The following RBMS3 variants were observed in gnomAD, a reference collection of about 807,000 sequenced individuals.
The protein encoded by RBMS3 is RNA-binding motif, single-stranded-interacting protein 3.
In RBMS3, 27 loss-of-function variants were observed where a neutral mutation model predicts 66.8. The observed-to-expected ratio is 0.40, with a 90% confidence interval of 0.30 to 0.56. The LOEUF is 0.56. RBMS3 is among the 20% of genes least tolerant of loss of function. RBMS3 has a pLI of 0.40. For missense variants in RBMS3, 513 were observed against 549.5 expected, an observed-to-expected ratio of 0.93 and a Z score of 0.66; for synonymous variants, 188 against 183.0, an observed-to-expected ratio of 1.03 and a Z score of -0.22.
At chr3:29,999,945 C>T (rs937976516) in intron 14 of RBMS3, among the ~76,000 whole-genome samples, 1 of 151,182 alleles carries the variant, frequency 6.6e-6, no homozygotes, top group Non-Finnish European at 1.5e-5. Flanking sequence ...GACCTAAAAC[C>T]ATAAAAACCC....
intron 3 of RBMS3, among the ~76,000 whole-genome samples, chr3:29,570,122 A>G (rs1437687660): frequency 6.6e-6 from 1 of 152,148 alleles, no homozygotes; most frequent in East Asian, 1.9e-4. Flanking sequence ...CTGAATTACT[A>G]TAATAAAATT....
rs568261684 is a variant in RBMS3 at position 29,994,611 on chromosome 3, G to A, written c.1307+3402G>A. Among the ~76,000 whole-genome samples the A allele has an allele frequency of 4.0e-3, 613 of 152,344 alleles. 2 individuals are homozygous for A. The highest frequency in any genetic ancestry group is 7.0e-3 in the Non-Finnish European group (473 of 68,036). ...AATGGGCAGACTGCCTCCTCAAGTG[G>A]GTCCCTGACCCCCGAGCAGCCTAAC... is the stretch of plus-strand genomic sequence containing the variant. On this transcript the variant is annotated intron_variant, in intron 14 of 14. Coordinates refer to ENST00000383767, the MANE Select transcript of RBMS3 (RefSeq NM_001003793.3).
At chr3:29,373,003 A>G (rs2038287107) in intron 1 of RBMS3, among the ~76,000 whole-genome samples, 1 of 152,180 alleles carries the variant, frequency 6.6e-6, no homozygotes, top group East Asian at 1.9e-4. Flanking sequence ...CTAAATATAA[A>G]TTTTTAAAAC....
intron 5 of RBMS3, among the ~76,000 whole-genome samples, chr3:29,752,870 G>A (rs970922054): frequency 1.3e-5 from 2 of 152,130 alleles, no homozygotes; most frequent in African/African-American, 4.8e-5. Flanking sequence ...CATAGGTAAA[G>A]GCCCAGTCAA....
chr3:29,584,323 A>G (rs946018528), intron 3 of RBMS3, among the ~76,000 whole-genome samples: 1 of 151,970 alleles, frequency 6.6e-6, no homozygotes, highest in Non-Finnish European at 1.5e-5. Flanking sequence ...CTTCTTATGT[A>G]ATGCCTAAAT....
chr3:29,399,215 G>A (rs1177901052), intron 1 of RBMS3, among the ~76,000 whole-genome samples: 2 of 145,738 alleles, frequency 1.4e-5, no homozygotes, highest in African/African-American at 2.6e-5. Flanking sequence ...ACATGTGTGT[G>A]TGTGTGTATA....
Position 29,710,910 on chromosome 3 carries a change from C to G in RBMS3, c.400-28810C>G, listed in dbSNP as rs562991024. Among the ~76,000 whole-genome samples the G allele has an allele frequency of 2.6e-5, 4 of 152,246 alleles. No homozygotes were observed. In the East Asian group the frequency reaches 7.7e-4, roughly 29 times the overall value. ...AATTGCTTATACAGCCATTACTATACATGCCAAGAGACATTAGTTCATCAT... is the reference window on the plus strand; with the variant it reads ...AATTGCTTATACAGCCATTACTATAGATGCCAAGAGACATTAGTTCATCAT... On this transcript the variant is annotated intron_variant, in intron 4 of 14. Transcript: ENST00000383767.
chr3:29,848,415 GTA>G (rs1359579445), intron 6 of RBMS3, among the ~76,000 whole-genome samples: 2 of 152,136 alleles, frequency 1.3e-5, no homozygotes, highest in Admixed American at 6.5e-5. Context: ...TGAAGCTTAT[GTA>G]TATAGTTATG....
chr3:29,412,715 G>A (rs750044587), intron 1 of RBMS3, among the ~76,000 whole-genome samples: 4 of 152,120 alleles, frequency 2.6e-5, no homozygotes, highest in Non-Finnish European at 4.4e-5. Flanking sequence ...CAACTCTTCA[G>A]CATTCCAGGG....
At chr3:29,943,901 G>A (rs935626279) in intron 11 of RBMS3, among the ~76,000 whole-genome samples, 2 of 151,720 alleles carry the variant, frequency 1.3e-5, no homozygotes, top group African/African-American at 4.8e-5. Flanking sequence ...CAGCCAGAGA[G>A]GGCAAAAATT....
intron 3 of RBMS3, among the ~76,000 whole-genome samples, chr3:29,506,029 A>C (rs2044170299): frequency 6.6e-6 from 1 of 151,904 alleles, no homozygotes; most frequent in Non-Finnish European, 1.5e-5. Context: ...AAACAAGGAT[A>C]ATTTAACTTC....
chr3:29,867,601 C>T lies in RBMS3; in HGVS notation c.638-1257C>T, dbSNP rs188123344. Reference sequence around the variant, plus strand: ...GCTAACCTGGGCATGTTCACATATCCATGCAGAGGAGCAAAAGAAGCAACT... The same window carrying T: ...GCTAACCTGGGCATGTTCACATATCTATGCAGAGGAGCAAAAGAAGCAACT... On this transcript the variant is annotated intron_variant, in intron 6 of 14. Coordinates refer to ENST00000383767, the MANE Select transcript of RBMS3 (RefSeq NM_001003793.3). 2.7e-5 allele frequency among the ~76,000 whole-genome samples: 4 copies of T among 149,246 alleles called. No homozygotes were observed. The East Asian group carries it at 8.0e-4, about 30-fold the overall frequency.
At chr3:29,550,615 TATAGTGTA>T (rs1315977945) in intron 3 of RBMS3, among the ~76,000 whole-genome samples, 1 of 152,148 alleles carries the variant, frequency 6.6e-6, no homozygotes, top group Non-Finnish European at 1.5e-5. Flanking sequence ...TATACAGTAT[TATAGTGTA>T]ATAGTGTAAT....
intron 4 of RBMS3, among the ~76,000 whole-genome samples, chr3:29,596,085 A>G (rs747449825): frequency 6.6e-6 from 1 of 152,214 alleles, no homozygotes; most frequent in Non-Finnish European, 1.5e-5. Context: ...CTATCTTTCC[A>G]TAAGAAAGTA....
In RBMS3 at chr3:29,888,007, C is replaced by CT. The variant is rs766388472; in HGVS notation, c.791+3806dup. Among the ~76,000 whole-genome samples, 3 of 151,716 alleles carry CT rather than the reference C, an allele frequency of 2.0e-5. No homozygotes were observed. The South Asian group carries it at 6.2e-4, about 31-fold the overall frequency. On this transcript the variant is annotated intron_variant, in intron 8 of 14. Transcript: ENST00000383767. ...AGCCTAGAACACAGTGAGCATTTCTCTTTTTTTCTCAAAATCTCCACCTCA... is the reference window on the plus strand; with the variant it reads ...AGCCTAGAACACAGTGAGCATTTCTCTTTTTTTTCTCAAAATCTCCACCTCA...
intron 3 of RBMS3, among the ~76,000 whole-genome samples, chr3:29,540,346 C>A (rs528351324): frequency 2.0e-5 from 3 of 152,200 alleles, no homozygotes; most frequent in East Asian, 1.9e-4. Flanking sequence ...TTTATTGCAA[C>A]CTTTGTTGAA....
At chr3:29,643,745 G>C (rs1177783185) in intron 4 of RBMS3, among the ~76,000 whole-genome samples, 1 of 152,096 alleles carries the variant, frequency 6.6e-6, no homozygotes, top group East Asian at 1.9e-4. Flanking sequence ...GAAAAGGCCG[G>C]AGAAAAGAGA....
At chr3:29,431,598 G>T (rs945192642) in intron 1 of RBMS3, among the ~76,000 whole-genome samples, 1 of 151,986 alleles carries the variant, frequency 6.6e-6, no homozygotes, top group Non-Finnish European at 1.5e-5. Flanking sequence ...GCCAAAAAAC[G>T]TTTATTTCAA....
At chr3:29,700,860 ATG>A (rs3069930) in intron 4 of RBMS3, among the ~76,000 whole-genome samples, 1 of 151,364 alleles carries the variant, frequency 6.6e-6, no homozygotes, top group Non-Finnish European at 1.5e-5. Flanking sequence ...GATTATAAGC[ATG>A]TGTGTGTGTT....
Sources: gnomAD v4.1 joint callset for allele counts (sites outside exome capture counted in the v4.1 genomes callset) on GRCh38, gnomAD v4.1.1 for gene constraint, MANE v1.5 for transcripts, NCBI Gene and HGNC (gene_info 2026-07-23, HGNC 2026-07-21) for gene names.